The following MUC5B variants were observed in gnomAD, a reference collection of about 807,000 sequenced individuals.
MUC5B encodes mucin 5B, oligomeric mucus/gel-forming.
Under a neutral mutation model 376.9 loss-of-function variants are expected in MUC5B, and 116 were observed. The observed-to-expected ratio is 0.31, with a 90% CI of 0.26 to 0.36. The LOEUF (loss-of-function observed/expected upper bound fraction) is 0.36. Among genes scored for constraint, MUC5B ranks in the 10% least tolerant of loss-of-function variants. The probability of loss-of-function intolerance (pLI) is 1.00; values close to 1 mark genes in which losing one functional copy is unlikely to be tolerated. For missense variants in MUC5B, 7,165 were observed against 7,769.9 expected (o/e 0.92, Z 2.93); for synonymous variants, 3,517 against 3,390.9 (o/e 1.04, Z -1.29).
At position 1,250,416 on chromosome 11, in the gene MUC5B, C is replaced by T; in HGVS notation, c.13536C>T (p.Ser4512=). The change falls in exon 31 of 49, where the codon AGC becomes AGT. Residue 4512 remains serine, a synonymous_variant. Coordinates refer to ENST00000529681, the MANE Select transcript of MUC5B (RefSeq NM_002458.3). The part of the protein sequence containing the change: ...GTATALPALR[S]TATTPTATSF... ...CAACTGCCCTTCCAGCACTGAGAAG[C>T]ACAGCCACCACACCCACAGCTACCA... 4 of 1,606,978 alleles carry T rather than the reference C, an allele frequency of 2.5e-6. No individual in the cohort carries two copies. The highest frequency in any genetic ancestry group is 1.7e-5 in the Admixed American group (1 of 59,966).
At chr11:1,224,222 A>G (rs996029556) in intron 1 of MUC5B, among the ~76,000 whole-genome samples, 1 of 152,136 alleles carries the variant, frequency 6.6e-6, no homozygotes, top group African/African-American at 2.4e-5. Flanking sequence ...ACGCACGTCC[A>G]AGTTGGGGAG....
chr11:1,260,060 C>A lies in MUC5B; in HGVS notation c.16898C>A (p.Ser5633Tyr). 6.2e-7 allele frequency: 1 copy of A among 1,612,680 alleles called. No homozygotes were observed. The highest frequency in any genetic ancestry group is 1.7e-5 in the Admixed American group (1 of 60,002). The change falls in exon 46 of 49, where the codon TCC becomes TAC. Residue 5633 changes from serine to tyrosine, a missense_variant. By Grantham distance (144) the Ser-to-Tyr change is moderately radical. Transcript: ENST00000529681. ...CATTTGCTGACCCCACAGCCTGCAT[C>A]CTGCCCAGATGTGTCCAGCTGCAGG... is the stretch of plus-strand genomic sequence containing the variant. ...GVHLLTPQPASCPDVSSCRGS... is the reference protein window; with the variant it reads ...GVHLLTPQPAYCPDVSSCRGS...
rs1355237805 is a variant in MUC5B at position 1,245,143 on chromosome 11, C to T, written c.8263C>T (p.His2755Tyr). The change falls in exon 31 of 49, where the codon CAC (histidine) becomes TAC (tyrosine). Residue 2755 changes from histidine to tyrosine, a missense_variant. Transcript: ENST00000529681. Reference protein sequence around the residue: ...PPVPNTTATTHGRSLSPSSPH... With the variant: ...PPVPNTTATTYGRSLSPSSPH... ...AGTGCCGAACACCACGGCCACCACACACGGGCGATCCCTGTCCCCCAGCAG... is the reference window on the plus strand; with the variant it reads ...AGTGCCGAACACCACGGCCACCACATACGGGCGATCCCTGTCCCCCAGCAG... 2 of 1,552,686 alleles carry T rather than the reference C, an allele frequency of 1.3e-6. No homozygotes were observed. The highest frequency in any genetic ancestry group is 1.7e-6 in the Non-Finnish European group (2 of 1,146,940).
At position 1,230,160 on chromosome 11, in the gene MUC5B, G is replaced by A. The variant is rs56118514; in HGVS notation, c.1359+17G>A. The A allele has an allele frequency of 9.7e-3, 15,324 of 1,576,204 alleles. 80 individuals carry two copies. The highest frequency in any genetic ancestry group is 0.011 in the Non-Finnish European group (12,340 of 1,162,836). On this transcript the variant is annotated intron_variant, in intron 11 of 48. Transcript: ENST00000529681. Reference sequence around the variant, plus strand: ...CTGTCCAAGGTCTGGGCTTGGGGCCGGGTCTTCAGACACCCAGACCCTCCT... The same window carrying A: ...CTGTCCAAGGTCTGGGCTTGGGGCCAGGTCTTCAGACACCCAGACCCTCCT...
At position 1,226,717 on chromosome 11, in the gene MUC5B, A is replaced by G. The variant is rs868609056; in HGVS notation, c.302A>G (p.Tyr101Cys). ...TTCCGCTTCCCTGGCCTTTGCAACT[A>G]CGTGTTCTCTGAGCACTGCCGCGCC... ...DVFRFPGLCN[Y>C]VFSEHCRAAY... Residue 101 changes from tyrosine to cysteine, a missense_variant, in exon 4 of 49, where the codon TAC becomes TGC. Tyr to Cys is a radical substitution (Grantham distance 194, BLOSUM62 -2). Transcript: ENST00000529681. The G allele has an allele frequency of 6.2e-7, 1 of 1,612,632 alleles. No homozygotes were observed. The highest frequency in any genetic ancestry group is 1.7e-5 in the Admixed American group (1 of 59,986).
chr11:1,255,516 G>A lies in MUC5B; in HGVS notation c.16024G>A (p.Gly5342Arg), dbSNP rs1470196121. Residue 5342 changes from glycine (G) to arginine (R), a missense_variant, in exon 37 of 49, where the codon GGA becomes AGA. Gly to Arg is a moderately radical substitution (Grantham distance 125, BLOSUM62 -2). This residue lies in a region of MUC5B where 842 missense variants were observed against 1,016.9 expected (regional missense o/e 0.83). Coordinates refer to ENST00000529681, the MANE Select transcript of MUC5B (RefSeq NM_002458.3). ...EAYAELCRAR[G>R]VCSDWRGATG... The stretch of plus-strand genomic sequence containing the variant: ...TTACGCAGAGCTCTGCCGCGCCCGG[G>A]GAGTGTGCAGTGACTGGCGAGGTGC... 3.9e-6 allele frequency: 6 copies of A among 1,548,502 alleles called. No homozygotes were observed. Among genetic ancestry groups the A allele is most frequent in the Non-Finnish European group, 4.4e-6 (5 of 1,145,382 alleles).
chr11:1,230,487 C>T lies in MUC5B; in HGVS notation c.1360-3C>T, dbSNP rs372338471. ...CAATGCACGCGTGGGTCCTTCTCCCCAGAAATGTGCCGACAGCAGCTTCAC... is the reference window on the plus strand; with the variant it reads ...CAATGCACGCGTGGGTCCTTCTCCCTAGAAATGTGCCGACAGCAGCTTCAC... On this transcript the variant is annotated splice_region_variant and splice_polypyrimidine_tract_variant and intron_variant, in intron 11 of 48. Coordinates refer to ENST00000529681, the MANE Select transcript of MUC5B (RefSeq NM_002458.3). The T allele has an allele frequency of 7.1e-5, 113 of 1,601,336 alleles. 1 individual carries two copies. The African/African-American group carries it at 1.3e-3, about 19-fold the overall frequency.
Position 1,233,226 on chromosome 11 carries a change from T to C in MUC5B, c.2279T>C (p.Val760Ala), listed in dbSNP as rs747646101. 6.3e-7 allele frequency: 1 copy of C among 1,594,434 alleles called. No individual in the cohort carries two copies. The highest frequency in any genetic ancestry group is 2.3e-5 in the East Asian group (1 of 44,356). Residue 760 changes from valine to alanine, a missense_variant, in exon 18 of 49, where the codon GTG (valine) becomes GCG (alanine). By Grantham distance (64) the Val-to-Ala change is moderately conservative (BLOSUM62 0). This residue lies in a region of MUC5B where 530 missense variants were observed against 604.0 expected (regional missense o/e 0.88). Coordinates refer to ENST00000529681, the MANE Select transcript of MUC5B (RefSeq NM_002458.3). ...TGCCCCTGCTACGCTCACGGCACCG[T>C]GCTGGCTCCTGGAGAGGTGGTGCAC... ...QECPCYAHGTVLAPGEVVHDE... is the reference protein window; with the variant it reads ...QECPCYAHGTALAPGEVVHDE...
In MUC5B at chr11:1,246,849, C is replaced by A; in HGVS notation, c.9969C>A (p.Ser3323Arg). ...TTGFTATPSS[S>R]PGTALTPPVW... ...GCTTCACAGCCACCCCCTCCTCCAG[C>A]CCAGGGACGGCACTCACGCCTCCAG... The change falls in exon 31 of 49, where the codon AGC becomes AGA. Residue 3323 changes from serine to arginine, a missense_variant. Physicochemically the swap from Ser to Arg is moderately radical, Grantham distance 110 (BLOSUM62 -1). Around this residue, in one of 31 missense-constraint regions of MUC5B, gnomAD observed 939 missense variants for 770.6 expected, o/e 1.22. Coordinates refer to ENST00000529681, the MANE Select transcript of MUC5B (RefSeq NM_002458.3). 1 of 1,610,646 alleles carries A rather than the reference C, an allele frequency of 6.2e-7. No individual in the cohort carries two copies. The highest frequency in any genetic ancestry group is 8.5e-7 in the Non-Finnish European group (1 of 1,178,178).
intron 30 of MUC5B, 90 bp downstream of exon 30, chr11:1,240,465 A>G (rs1452413339): frequency 1.6e-6 from 2 of 1,231,842 alleles, no homozygotes; most frequent in African/African-American, 3.0e-5. Flanking sequence ...CCTGTATGGT[A>G]GCGACAGTCC....
chr11:1,243,131 C>T lies in MUC5B; in HGVS notation c.6251C>T (p.Thr2084Ile), dbSNP rs557272283. The T allele has an allele frequency of 2.0e-5, 33 of 1,610,520 alleles. No homozygotes were observed. In the Middle Eastern group the frequency reaches 7.7e-4, roughly 38 times the overall value. ...PVWISTTTTP[T>I]TRGSTVTPSS... ...TGGATCAGCACAACCACCACACCCA[C>T]AACCAGAGGCTCCACGGTGACCCCC... Residue 2084 changes from threonine to isoleucine, a missense_variant, in exon 31 of 49, where the codon ACA (threonine) becomes ATA (isoleucine). By Grantham distance (89) the Thr-to-Ile change is moderately conservative. Around this residue, in one of 31 missense-constraint regions of MUC5B, gnomAD observed 897 missense variants for 779.6 expected, o/e 1.15. Coordinates refer to ENST00000529681, the MANE Select transcript of MUC5B (RefSeq NM_002458.3).
At chr11:1,223,752 G>T (rs375526322) in intron 1 of MUC5B, among the ~76,000 whole-genome samples, 20 of 152,246 alleles carry the variant, frequency 1.3e-4, no homozygotes, top group African/African-American at 4.8e-4. Flanking sequence ...CATGCCGCAC[G>T]GGCTGCCTGG....
At chr11:1,228,259 CAG>C (rs930848327) in intron 7 of MUC5B, among the ~76,000 whole-genome samples, 1 of 152,332 alleles carries the variant, frequency 6.6e-6, no homozygotes. Flanking sequence ...CCGGGCTGCC[CAG>C]AGAGGCGGGG....
rs1862393977 is a variant in MUC5B, at chr11:1,244,535, T to C, written c.7655T>C (p.Leu2552Pro). The C allele has an allele frequency of 1.3e-6, 2 of 1,546,298 alleles. No homozygotes were observed. The highest frequency in any genetic ancestry group is 2.2e-5 in the East Asian group (1 of 44,542). ...SSSLGTTWTR[L>P]SQTTTPTATM... ...TCCCTGGGCACCACCTGGACCCGCC[T>C]ATCACAGACCACCACACCCACGGCC... Residue 2552 changes from leucine (L) to proline (P), a missense_variant, in exon 31 of 49, where the codon CTA becomes CCA. Leu to Pro is a moderately conservative substitution (Grantham distance 98, BLOSUM62 -3). This residue lies in a region of MUC5B where 194 missense variants were observed against 268.5 expected (regional missense o/e 0.72). Coordinates refer to ENST00000529681, the MANE Select transcript of MUC5B (RefSeq NM_002458.3).
rs535976924 is a variant in MUC5B, at chr11:1,253,720, G to A, written c.15218-372G>A. On this transcript the variant is annotated intron_variant, in intron 33 of 48. Coordinates refer to ENST00000529681, the MANE Select transcript of MUC5B (RefSeq NM_002458.3). This position sits in a 1 kb window ranked among gnomAD's most constrained non-coding sequence, Gnocchi z 4.3. Reference sequence around the variant, plus strand: ...CTGTGGCTGCATCCCTCCGATCTCTGCCTCTGCCTCTCTGTGGCCTCCCCT... The same window carrying A: ...CTGTGGCTGCATCCCTCCGATCTCTACCTCTGCCTCTCTGTGGCCTCCCCT... 6.6e-6 allele frequency among the ~76,000 whole-genome samples: 1 copy of A among 152,222 alleles called. No homozygotes were observed. The highest frequency in any genetic ancestry group is 1.5e-5 in the Non-Finnish European group (1 of 68,002).
At chr11:1,231,862 AG>A (rs1224922849) in intron 14 of MUC5B, 133 bp from the exon 15 acceptor site, 1 of 1,267,294 alleles carries the variant, frequency 7.9e-7, no homozygotes, top group African/African-American at 1.5e-5. Context: ...TTATCTGCAG[AG>A]GGTTCTGGGA....
chr11:1,224,825 C>CTG (rs1861845942), intron 1 of MUC5B, among the ~76,000 whole-genome samples: 1 of 152,170 alleles, frequency 6.6e-6, no homozygotes, highest in Non-Finnish European at 1.5e-5. Flanking sequence ...AACCACAGGG[C>CTG]CGGCCCCTCG....
At chr11:1,236,022 G>A (rs1426200341) in intron 23 of MUC5B, among the ~76,000 whole-genome samples, 1 of 152,238 alleles carries the variant, frequency 6.6e-6, no homozygotes, top group Admixed American at 6.5e-5. Context: ...CCGCTGGCCG[G>A]GATGCTCCCT....
rs778920058 is a variant in MUC5B, at chr11:1,247,074, A to C, written c.10194A>C (p.Thr3398=). The C allele has an allele frequency of 5.4e-6, 8 of 1,491,872 alleles. No individual in the cohort carries two copies. The highest frequency in any genetic ancestry group is 2.1e-5 in the Admixed American group (1 of 47,268). The allele number at this position is 1,491,872 out of a possible 1,614,324, so 92.4% of individuals were successfully genotyped here. A position where few individuals can be genotyped will look rare whatever the true frequency, so the allele number is the denominator to read the frequency against. Residue 3398 remains threonine (T), a synonymous_variant, in exon 31 of 49, where the codon ACA becomes ACC. Coordinates refer to ENST00000529681, the MANE Select transcript of MUC5B (RefSeq NM_002458.3). ...PSLTTTATTI[T]ATGSTTNPSS... ...TGACCACCACGGCCACTACGATCAC[A>C]GCCACCGGCTCCACCACCAACCCCT...
Sources: allele counts gnomAD v4.1 joint callset (sites outside exome capture counted in the v4.1 genomes callset), GRCh38; gene constraint gnomAD v4.1.1; regional missense constraint gnomAD v4.1.1; non-coding constraint Gnocchi (gnomAD v3.1); transcripts MANE v1.5; gene names NCBI Gene and HGNC (gene_info 2026-07-23, HGNC 2026-07-21).